SYT9: variants seen among roughly 807,000 people sequenced by gnomAD.
SYT9 encodes the protein synaptotagmin-9.
Under a neutral mutation model 48.4 loss-of-function variants are expected in SYT9, and 22 were observed. The observed-to-expected ratio is 0.45, with a 90% CI of 0.32 to 0.65. The LOEUF (loss-of-function observed/expected upper bound fraction) is 0.65, where lower values mean the gene tolerates loss of function less well. Ranked by LOEUF, SYT9 falls within the 30% of genes least tolerant of loss-of-function variation. The pLI is 0.03. For missense variants in SYT9, 577 were observed against 622.0 expected (o/e 0.93, Z 0.77); for synonymous variants, 265 against 245.0 (o/e 1.08, Z -0.76).
intron 6 of SYT9, among the ~76,000 whole-genome samples, chr11:7,446,924 G>A (rs1230054523): frequency 6.6e-6 from 1 of 152,216 alleles, no homozygotes; most frequent in Non-Finnish European, 1.5e-5. Flanking sequence ...AGGGGAGCTT[G>A]GGAGAGAAGC....
intron 1 of SYT9, among the ~76,000 whole-genome samples, chr11:7,265,714 G>A (rs1444660439): frequency 7.4e-6 from 1 of 135,312 alleles, no homozygotes; most frequent in Non-Finnish European, 1.6e-5. Flanking sequence ...CAAATTATTT[G>A]TAAGTACAGC....
At chr11:7,390,013 C>G (rs1850732919) in intron 3 of SYT9, among the ~76,000 whole-genome samples, 1 of 152,100 alleles carries the variant, frequency 6.6e-6, no homozygotes, top group African/African-American at 2.4e-5. Context: ...ACTTTAAGTT[C>G]TAGGATACAT....
At chr11:7,316,977 T>C (rs1201546915) in intron 3 of SYT9, among the ~76,000 whole-genome samples, 1 of 152,264 alleles carries the variant, frequency 6.6e-6, no homozygotes, top group Non-Finnish European at 1.5e-5. Context: ...TTGATTCACA[T>C]AGGCTTTTTA....
chr11:7,360,429 A>G (rs974790621), intron 3 of SYT9, among the ~76,000 whole-genome samples: 1 of 152,192 alleles, frequency 6.6e-6, no homozygotes, highest in Non-Finnish European at 1.5e-5. Context: ...TTGAATGTAT[A>G]AATTACCTTG....
intron 3 of SYT9, among the ~76,000 whole-genome samples, chr11:7,321,521 A>G (rs1276822686): frequency 6.6e-6 from 1 of 152,176 alleles, no homozygotes; most frequent in Admixed American, 6.5e-5. Context: ...TGATTATTAT[A>G]TTGATGCAAC....
chr11:7,441,941 A>G (rs1847836385), intron 6 of SYT9, among the ~76,000 whole-genome samples: 1 of 149,838 alleles, frequency 6.7e-6, no homozygotes, highest in African/African-American at 2.5e-5. Flanking sequence ...TCCAGCTATG[A>G]CTCTCCCCCA....
intron 3 of SYT9, among the ~76,000 whole-genome samples, chr11:7,401,782 T>A (rs1158867571): frequency 6.6e-6 from 1 of 151,892 alleles, no homozygotes; most frequent in African/African-American, 2.4e-5. Context: ...TCTTTTCTGA[T>A]CCAGTGTCAC....
chr11:7,342,659 T>G (rs1214670129), intron 3 of SYT9, among the ~76,000 whole-genome samples: 1 of 152,216 alleles, frequency 6.6e-6, no homozygotes. Flanking sequence ...CAGTGCAAGC[T>G]GTAGGTGGAT....
At chr11:7,389,433 A>G (rs1850721047) in intron 3 of SYT9, among the ~76,000 whole-genome samples, 2 of 152,202 alleles carry the variant, frequency 1.3e-5, no homozygotes, top group South Asian at 4.1e-4. Context: ...AGTTAAATCC[A>G]TCAGGTGAAA....
chr11:7,346,153 A>G (rs1849795848), intron 3 of SYT9, among the ~76,000 whole-genome samples: 1 of 152,224 alleles, frequency 6.6e-6, no homozygotes, highest in Non-Finnish European at 1.5e-5. Flanking sequence ...TAGACTGGAA[A>G]GCAAATGACA....
chr11:7,358,049 T>C (rs1176437763), intron 3 of SYT9, among the ~76,000 whole-genome samples: 1 of 152,032 alleles, frequency 6.6e-6, no homozygotes, highest in African/African-American at 2.4e-5. Flanking sequence ...CTTTATACTC[T>C]AAAAAAGTAT....
chr11:7,299,372 A>T (rs982847950), intron 1 of SYT9, among the ~76,000 whole-genome samples: 2 of 152,168 alleles, frequency 1.3e-5, no homozygotes, highest in African/African-American at 4.8e-5. Flanking sequence ...GCTATTTCTA[A>T]ACAGAAGTCT....
At chr11:7,466,424 T>C (rs1208294773) in intron 6 of SYT9, among the ~76,000 whole-genome samples, 1 of 152,110 alleles carries the variant, frequency 6.6e-6, no homozygotes, top group Non-Finnish European at 1.5e-5. Flanking sequence ...TTGGTGCACA[T>C]TAAAAATGTA....
chr11:7,420,365 GT>G (rs2134103989), intron 5 of SYT9, 140 bp from the exon 6 acceptor site: 1 of 1,129,348 alleles, frequency 8.9e-7, no homozygotes, highest in South Asian at 1.6e-5. Context: ...TTAGCCTGTA[GT>G]TTTAAGTGAG....
intron 3 of SYT9, among the ~76,000 whole-genome samples, chr11:7,391,753 A>C (rs1172784608): frequency 1.4e-5 from 2 of 147,148 alleles, no homozygotes; most frequent in Non-Finnish European, 3.0e-5. Flanking sequence ...AAAAAAAAAA[A>C]AAAAAAAAAA....
chr11:7,265,048 T>C (rs1848152703), intron 1 of SYT9, among the ~76,000 whole-genome samples: 1 of 152,148 alleles, frequency 6.6e-6, no homozygotes. Flanking sequence ...GAAGGAATAT[T>C]TTAAGTCAGT....
At chr11:7,310,737 C>T (rs903904749) in intron 2 of SYT9, among the ~76,000 whole-genome samples, 1 of 152,108 alleles carries the variant, frequency 6.6e-6, no homozygotes, top group Non-Finnish European at 1.5e-5. Context: ...TGAGCCACTG[C>T]ACCCGGCTTG....
intron 6 of SYT9, chr11:7,457,484 A>C (rs1023519667): frequency 6.6e-6 from 1 of 152,246 alleles, no homozygotes; most frequent in Admixed American, 6.5e-5. Flanking sequence ...GCACAAAGTC[A>C]GCATTGAATA....
chr11:7,252,394 C>T lies in SYT9; in HGVS notation c.145+63C>T. 1 of 1,357,344 alleles carries T rather than the reference C, an allele frequency of 7.4e-7. No homozygotes were observed. The highest frequency in any genetic ancestry group is 9.5e-7 in the Non-Finnish European group (1 of 1,054,376). The allele number at this position is 1,357,344 out of a possible 1,614,324, so 84.1% of individuals were successfully genotyped here. ...CCCTGGGCTGGGACTTGGGGCCGCA[C>T]CGGGGCCTGAGGCAGAACAGCGACG... On this transcript the variant is annotated intron_variant, in intron 1 of 6. Coordinates refer to ENST00000318881, the MANE Select transcript of SYT9 (RefSeq NM_175733.4). This position sits in a 1 kb window ranked among gnomAD's most constrained non-coding sequence, Gnocchi z 6.3.
Sources: gnomAD v4.1 joint callset for allele counts (sites outside exome capture counted in the v4.1 genomes callset) on GRCh38, gnomAD v4.1.1 for gene constraint, Gnocchi (gnomAD v3.1) non-coding constraint, MANE v1.5 for transcripts, NCBI Gene and HGNC (gene_info 2026-07-23, HGNC 2026-07-21) for gene names.